The following AGAP1 variants were observed in gnomAD, a reference collection of about 807,000 sequenced individuals.
AGAP1 encodes ArfGAP with GTPase domain, ankyrin repeat and PH domain 1.
AGAP1 carries 29 observed loss-of-function variants against 105.3 expected under a neutral mutation model. That is an observed-to-expected ratio of 0.28 (90% CI 0.21 to 0.38). AGAP1 has a LOEUF of 0.38. Among genes scored for constraint, AGAP1 ranks in the 10% least tolerant of loss-of-function variants. The probability of loss-of-function intolerance (pLI) is 1.00; values close to 1 mark genes in which losing one functional copy is unlikely to be tolerated. For missense variants in AGAP1, 998 were observed against 1,165.1 expected, an observed-to-expected ratio of 0.86 and a Z score of 2.09; for synonymous variants, 509 against 485.9, an observed-to-expected ratio of 1.05 and a Z score of -0.63.
At chr2:235,768,362 C>G (rs61565358) in intron 6 of AGAP1, among the ~76,000 whole-genome samples, 1 of 152,178 alleles carries the variant, frequency 6.6e-6, no homozygotes, top group Non-Finnish European at 1.5e-5. Flanking sequence ...AACATTTTCT[C>G]TATCAGAATA....
intron 1 of AGAP1, among the ~76,000 whole-genome samples, chr2:235,538,866 T>C (rs1943339428): frequency 6.6e-6 from 1 of 152,224 alleles, no homozygotes; most frequent in Non-Finnish European, 1.5e-5. Flanking sequence ...TAAAAGTTTT[T>C]AAAAGTAAGT....
chr2:235,634,974 C>T (rs78675109), intron 1 of AGAP1, among the ~76,000 whole-genome samples: 7 of 152,086 alleles, frequency 4.6e-5, no homozygotes, highest in Middle Eastern at 3.4e-3. Context: ...GCCTCCCCCC[C>T]GCTGTAGACA....
chr2:235,783,022 T>TTGTGTGTG (rs112987473), intron 6 of AGAP1, among the ~76,000 whole-genome samples: 340 of 141,278 alleles, frequency 2.4e-3, no homozygotes, highest in Middle Eastern at 0.011. Flanking sequence ...CGGCAGGAGA[T>TTGTGTGTG]TGTGTGTGTG....
chr2:236,120,059 T>G lies in AGAP1; in HGVS notation c.2115-133T>G. On this transcript the variant is annotated intron_variant, in intron 16 of 17. Transcript: ENST00000304032. This position sits in a 1 kb window ranked among gnomAD's most constrained non-coding sequence, Gnocchi z 6.0. ...GATAAACGTTTCCCCCAGGGGGCTT[T>G]GTGCCGAGTGAAGACCTTTGCTTTC... is the stretch of plus-strand genomic sequence containing the variant. The G allele has an allele frequency of 7.7e-7, 1 of 1,294,860 alleles. No homozygotes were observed. The highest frequency in any genetic ancestry group is 1.1e-6 in the Non-Finnish European group (1 of 942,994). 80.2% of individuals were successfully genotyped at this position (1,294,860 alleles called of 1,614,324 possible).
rs146241811 is a variant in AGAP1, at chr2:235,879,407, G to A, written c.1051-3938G>A. The stretch of plus-strand genomic sequence containing the variant: ...ACCCAACTGGGGCCAAGGCTGGAAG[G>A]CAGAAATATGACTCCTAAGAGGCCA... On this transcript the variant is annotated intron_variant, in intron 9 of 17. Coordinates refer to ENST00000304032, the MANE Select transcript of AGAP1 (RefSeq NM_001037131.3). The surrounding 1 kb of genome is among the most constrained non-coding windows in gnomAD (Gnocchi z 5.0). 0.011 allele frequency among the ~76,000 whole-genome samples: 1,634 copies of A among 152,336 alleles called. 27 individuals are homozygous for A. Among genetic ancestry groups the A allele is most frequent in the African/African-American group, 0.037 (1,530 of 41,572 alleles).
chr2:236,004,781 T>C (rs964642983), intron 13 of AGAP1, among the ~76,000 whole-genome samples: 2 of 152,324 alleles, frequency 1.3e-5, no homozygotes, highest in Non-Finnish European at 2.9e-5. Flanking sequence ...ATGTGACATA[T>C]AGTGTGTGTG....
rs1406967326 is a variant in AGAP1 at position 235,962,077 on chromosome 2, G to C, written c.1484-6385G>C. ...GTTTTGTTTTGTTTTGTTTTGTTTT[G>C]TTTTGTTTCAGTGAAGTGAAAAGTG... On this transcript the variant is annotated intron_variant, in intron 12 of 17. Coordinates refer to ENST00000304032, the MANE Select transcript of AGAP1 (RefSeq NM_001037131.3). The surrounding 1 kb of genome is among the most constrained non-coding windows in gnomAD (Gnocchi z 5.3). Among the ~76,000 whole-genome samples, 1 of 147,644 alleles carries C rather than the reference G, an allele frequency of 6.8e-6. No homozygotes were observed. The highest frequency in any genetic ancestry group is 1.5e-5 in the Non-Finnish European group (1 of 67,970).
intron 1 of AGAP1, among the ~76,000 whole-genome samples, chr2:235,666,493 C>A (rs1225133371): frequency 6.6e-6 from 1 of 151,948 alleles, no homozygotes; most frequent in Admixed American, 6.6e-5. Flanking sequence ...TTTTCAGCAC[C>A]CACAGTTGCA....
chr2:235,691,134 G>T lies in AGAP1; in HGVS notation c.164-18045G>T, dbSNP rs1949714831. ...CCGAGGTGAGGCCAGCAAGGAGTCT[G>T]CCCCATGCGATTCTGAGGCCTTGGT... is the stretch of plus-strand genomic sequence containing the variant. On this transcript the variant is annotated intron_variant, in intron 1 of 17. Transcript: ENST00000304032. This position sits in a 1 kb window ranked among gnomAD's most constrained non-coding sequence, Gnocchi z 4.4. 6.6e-6 allele frequency among the ~76,000 whole-genome samples: 1 copy of T among 152,176 alleles called. No individual in the cohort carries two copies. The highest frequency in any genetic ancestry group is 2.4e-5 in the African/African-American group (1 of 41,456).
intron 1 of AGAP1, among the ~76,000 whole-genome samples, chr2:235,681,882 A>T: frequency 8.5e-6 from 1 of 117,768 alleles, no homozygotes. Context: ...ACAGAGTCTC[A>T]CTCCGTCACG....
intron 1 of AGAP1, among the ~76,000 whole-genome samples, chr2:235,696,992 A>C (rs770484764): frequency 4.3e-4 from 66 of 152,128 alleles, no homozygotes; most frequent in Non-Finnish European, 7.9e-4. Flanking sequence ...TCTCAAAAAA[A>C]AAAAGAGAAG....
intron 1 of AGAP1, among the ~76,000 whole-genome samples, chr2:235,634,749 A>G (rs1207473513): frequency 6.6e-6 from 1 of 152,194 alleles, no homozygotes; most frequent in Non-Finnish European, 1.5e-5. Flanking sequence ...GAAACTGAGA[A>G]CACTAATTTT....
At chr2:235,698,060 G>T (rs1375109652) in intron 1 of AGAP1, among the ~76,000 whole-genome samples, 1 of 152,132 alleles carries the variant, frequency 6.6e-6, no homozygotes, top group Admixed American at 6.5e-5. Flanking sequence ...GGTCGAGGGA[G>T]GGGGGATGGT....
chr2:235,806,312 G>A (rs1957831006), intron 8 of AGAP1, among the ~76,000 whole-genome samples: 1 of 152,170 alleles, frequency 6.6e-6, no homozygotes, highest in Non-Finnish European at 1.5e-5. Flanking sequence ...ATGGAGTGAA[G>A]TTGTCACTTG....
chr2:235,842,237 G>A lies in AGAP1; in HGVS notation c.1050+34906G>A, dbSNP rs973359988. 1.2e-4 allele frequency among the ~76,000 whole-genome samples: 19 copies of A among 152,178 alleles called. No individual in the cohort carries two copies. The highest frequency in any genetic ancestry group is 4.6e-4 in the African/African-American group (19 of 41,450). ...CTGTAGATAGAATTCAGGGGTCCGC[G>A]AATGTGGCTGGGGGGAAATTCATTC... On this transcript the variant is annotated intron_variant, in intron 9 of 17. Transcript: ENST00000304032. This position sits in a 1 kb window ranked among gnomAD's most constrained non-coding sequence, Gnocchi z 5.3.
At chr2:236,029,019 C>A (rs1310934983) in intron 13 of AGAP1, among the ~76,000 whole-genome samples, 7 of 152,012 alleles carry the variant, frequency 4.6e-5, no homozygotes, top group African/African-American at 1.7e-4. Context: ...AATTTACTTA[C>A]CAACATGTGA....
At position 235,574,227 on chromosome 2, in the gene AGAP1, T is replaced by G. The variant is rs1010724409; in HGVS notation, c.163+79378T>G. Among the ~76,000 whole-genome samples, 5 of 152,240 alleles carry G rather than the reference T, an allele frequency of 3.3e-5. No individual in the cohort carries two copies. Among genetic ancestry groups the G allele is most frequent in the African/African-American group, 1.2e-4 (5 of 41,474 alleles). ...CCTGGACGGACTCTTTCAGGTTGTT[T>G]GGATAATCATCCTAAAAACGCCTCT... is the stretch of plus-strand genomic sequence containing the variant. On this transcript the variant is annotated intron_variant, in intron 1 of 17. Coordinates refer to ENST00000304032, the MANE Select transcript of AGAP1 (RefSeq NM_001037131.3). The surrounding 1 kb of genome is among the most constrained non-coding windows in gnomAD (Gnocchi z 5.0).
Position 235,959,652 on chromosome 2 carries a change from A to C in AGAP1, c.1484-8810A>C, listed in dbSNP as rs2054098872. On this transcript the variant is annotated intron_variant, in intron 12 of 17. Transcript: ENST00000304032. This position sits in a 1 kb window ranked among gnomAD's most constrained non-coding sequence, Gnocchi z 7.3. ...TCTGTCTCCTGCCACGGCCCCCCTCAATTCACATCCTAATTCACCCCGCCA... is the reference window on the plus strand; with the variant it reads ...TCTGTCTCCTGCCACGGCCCCCCTCCATTCACATCCTAATTCACCCCGCCA... 6.6e-6 allele frequency among the ~76,000 whole-genome samples: 1 copy of C among 151,780 alleles called. No homozygotes were observed.
chr2:235,836,596 A>G (rs1427858471), intron 9 of AGAP1, among the ~76,000 whole-genome samples: 2 of 152,208 alleles, frequency 1.3e-5, no homozygotes, highest in African/African-American at 4.8e-5. Flanking sequence ...TGTCTGTCAC[A>G]CTTTTTCTCC....
Sources: gnomAD v4.1 joint callset for allele counts (sites outside exome capture counted in the v4.1 genomes callset) on GRCh38, gnomAD v4.1.1 for gene constraint, Gnocchi (gnomAD v3.1) non-coding constraint, MANE v1.5 for transcripts, NCBI Gene and HGNC (gene_info 2026-07-23, HGNC 2026-07-21) for gene names.